CFAP70: variants seen among roughly 807,000 people sequenced by gnomAD.
CFAP70 encodes cilia- and flagella-associated protein 70.
Under a neutral mutation model 137.6 loss-of-function variants are expected in CFAP70, and 81 were observed. That is an observed-to-expected ratio of 0.59 (90% CI 0.49 to 0.71). The LOEUF (loss-of-function observed/expected upper bound fraction) is 0.71, where lower values mean the gene tolerates loss of function less well. CFAP70 is among the 30% of genes least tolerant of loss of function. The pLI, the probability that CFAP70 is intolerant of heterozygous loss-of-function variation, is 0.00. For missense variants in CFAP70, 976 were observed against 1,226.7 expected (o/e 0.80, Z 3.05); for synonymous variants, 382 against 423.6 (o/e 0.90, Z 1.20).
At chr10:73,329,664 A>C (rs1589510644) in intron 8 of CFAP70, among the ~76,000 whole-genome samples, 1 of 152,220 alleles carries the variant, frequency 6.6e-6, no homozygotes, top group East Asian at 1.9e-4. Context: ...CAACAATAAC[A>C]ATAACAAAAA....
chr10:73,305,815 C>A (rs1176875421), intron 12 of CFAP70, among the ~76,000 whole-genome samples: 1 of 151,832 alleles, frequency 6.6e-6, no homozygotes. Context: ...ATGACTCTTT[C>A]AAAGAAAAAA....
At chr10:73,320,318 A>C (rs1036373443) in intron 9 of CFAP70, among the ~76,000 whole-genome samples, 4 of 151,104 alleles carry the variant, frequency 2.6e-5, no homozygotes, top group Admixed American at 2.6e-4. Flanking sequence ...CTTTTCTCTC[A>C]TTTTTTTTAT....
rs537035383 is a variant in CFAP70, at chr10:73,275,348, AC to A, written c.2673+97del. ...ATGAGTTTACTGACAGCTGATGACCACCCTTCTGTTCACCAGAAATCTACGT... is the reference window on the plus strand; with the variant it reads ...ATGAGTTTACTGACAGCTGATGACCACCTTCTGTTCACCAGAAATCTACGT... On this transcript the variant is annotated intron_variant, in intron 22 of 26. Transcript: ENST00000310715. The surrounding 1 kb of genome is among the most constrained non-coding windows in gnomAD (Gnocchi z 4.0). The A allele has an allele frequency of 7.3e-7, 1 of 1,371,474 alleles. No individual in the cohort carries two copies. The highest frequency in any genetic ancestry group is 9.9e-7 in the Non-Finnish European group (1 of 1,014,536). The allele number at this position is 1,371,474 out of a possible 1,614,324, so 85.0% of individuals were successfully genotyped here. A position where few individuals can be genotyped will look rare whatever the true frequency, so the allele number is the denominator to read the frequency against.
At chr10:73,311,565 T>G (rs2049924594) in intron 11 of CFAP70, among the ~76,000 whole-genome samples, 1 of 152,188 alleles carries the variant, frequency 6.6e-6, no homozygotes, top group South Asian at 2.1e-4. Context: ...TGATGCATCT[T>G]TACATCCCTT....
chr10:73,357,266 G>T (rs1167099619), intron 1 of CFAP70, among the ~76,000 whole-genome samples: 2 of 152,174 alleles, frequency 1.3e-5, no homozygotes, highest in African/African-American at 4.8e-5. Flanking sequence ...GAGCTTCAGA[G>T]AAGTTTGTTA....
rs762706683 is a variant in CFAP70, at chr10:73,312,659, AC to A, written c.913-17del. ...AACATTTGGTCTGAAAAACAAAAAA[AC>A]AAACAAAAAAAAGCAATACATGAGA... On this transcript the variant is annotated splice_polypyrimidine_tract_variant and intron_variant, in intron 9 of 26. Transcript: ENST00000310715. 1.4e-5 allele frequency: 21 copies of A among 1,537,166 alleles called. No individual in the cohort carries two copies. The highest frequency in any genetic ancestry group is 4.5e-5 in the Admixed American group (2 of 44,542).
chr10:73,325,147 A>G (rs1411126667), intron 8 of CFAP70, among the ~76,000 whole-genome samples: 3 of 152,216 alleles, frequency 2.0e-5, no homozygotes, highest in Non-Finnish European at 4.4e-5. Context: ...GTTGGCAGAA[A>G]CTCTACAAGC....
intron 3 of CFAP70, among the ~76,000 whole-genome samples, chr10:73,349,480 T>C (rs999514948): frequency 1.3e-5 from 2 of 151,842 alleles, no homozygotes; most frequent in African/African-American, 4.8e-5. Flanking sequence ...GAGGTGGAGC[T>C]TGCAGTGAGC....
At chr10:73,345,327 T>A in intron 4 of CFAP70, 83 bp from the exon 6 acceptor site, 1 of 1,225,158 alleles carries the variant, frequency 8.2e-7, no homozygotes, top group Admixed American at 1.9e-5. Context: ...AATCTCATAT[T>A]ACTGTTCAAG....
chr10:73,293,863 T>G (rs1441599185), intron 15 of CFAP70: 1 of 152,400 alleles, frequency 6.6e-6, no homozygotes, highest in East Asian at 1.9e-4. Flanking sequence ...ATAGTTTTAG[T>G]AGGAAATATA....
In CFAP70 at chr10:73,348,523, T is replaced by C; in HGVS notation, c.251-2A>G. ...TTGGTAAAACTTCAGTCACAGTTAC[T>C]AGAAAAATCAAAACAAAGAAAATGA... On this transcript the variant is annotated splice_acceptor_variant, in intron 3 of 26. Coordinates refer to ENST00000310715, the Ensembl canonical transcript of CFAP70. LOFTEE classifies it high-confidence loss of function. The C allele has an allele frequency of 6.6e-7, 1 of 1,505,830 alleles. No individual in the cohort carries two copies. Among genetic ancestry groups the C allele is most frequent in the Non-Finnish European group, 8.9e-7 (1 of 1,125,704 alleles). The allele number at this position is 1,505,830 out of a possible 1,614,324, so 93.3% of individuals were successfully genotyped here.
intron 19 of CFAP70, among the ~76,000 whole-genome samples, chr10:73,289,561 G>A (rs1390806883): frequency 6.6e-6 from 1 of 151,950 alleles, no homozygotes; most frequent in Non-Finnish European, 1.5e-5. Context: ...TGGGATTACA[G>A]GCATGAGCCA....
intron 11 of CFAP70, 131 bp from the exon 13 acceptor site, chr10:73,310,380 C>A: frequency 2.1e-6 from 1 of 487,514 alleles, no homozygotes; most frequent in Non-Finnish European, 3.6e-6. Flanking sequence ...AGTGTGATCT[C>A]AACTGTTAAA....
intron 9 of CFAP70, among the ~76,000 whole-genome samples, chr10:73,317,540 T>G (rs1343835012): frequency 6.6e-6 from 1 of 152,184 alleles, no homozygotes; most frequent in African/African-American, 2.4e-5. Flanking sequence ...TGTGTATATT[T>G]TGGGTCTCTG....
At chr10:73,314,203 T>C (rs1264165298) in intron 9 of CFAP70, among the ~76,000 whole-genome samples, 1 of 152,088 alleles carries the variant, frequency 6.6e-6, no homozygotes, top group Non-Finnish European at 1.5e-5. Context: ...CAAAAAACTT[T>C]GGGGGGTAAT....
upstream of CFAP70, among the ~76,000 whole-genome samples, chr10:73,359,700 T>C (rs2054931398): frequency 6.6e-6 from 1 of 152,168 alleles, no homozygotes; most frequent in African/African-American, 2.4e-5. Flanking sequence ...GAGTCTTCAA[T>C]GGACGCTAAG....
At position 73,316,591 on chromosome 10, in the gene CFAP70, C is replaced by T. The variant is rs11000603; in HGVS notation, c.913-3948G>A. 9.1e-4 allele frequency among the ~76,000 whole-genome samples: 137 copies of T among 149,832 alleles called. No individual in the cohort carries two copies. The East Asian group carries it at 0.013, about 14-fold the overall frequency. ...ATATGTGCATATGTGTATGTATACA[C>T]GCACAATTTTCTTAGTGGTTACTTA... On this transcript the variant is annotated intron_variant, in intron 9 of 26. Coordinates refer to ENST00000310715, the Ensembl canonical transcript of CFAP70.
intron 11 of CFAP70, 121 bp downstream of exon 12, chr10:73,311,713 G>A (rs1429101766): frequency 1.8e-5 from 15 of 846,714 alleles, no homozygotes; most frequent in Non-Finnish European, 2.2e-5. Flanking sequence ...TAGACAACTA[G>A]TCATGGGCAA....
chr10:73,255,115 T>G (rs1253183964), intron 26 of CFAP70, among the ~76,000 whole-genome samples: 1 of 151,926 alleles, frequency 6.6e-6, no homozygotes, highest in Non-Finnish European at 1.5e-5. Flanking sequence ...ATACAAAAAT[T>G]TGGCCAGGCG....
Sources: allele counts gnomAD v4.1 joint callset (sites outside exome capture counted in the v4.1 genomes callset), GRCh38; gene constraint gnomAD v4.1.1; non-coding constraint Gnocchi (gnomAD v3.1); transcripts MANE v1.5; gene names NCBI Gene and HGNC (gene_info 2026-07-23, HGNC 2026-07-21).